GPM6A: variants seen among roughly 807,000 people sequenced by gnomAD.
GPM6A encodes glycoprotein M6A, also known as neuronal membrane glycoprotein M6-a.
Under a neutral mutation model 32.1 loss-of-function variants are expected in GPM6A, and 7 were observed. The ratio of observed to expected loss-of-function variants is 0.22; its 90% CI spans 0.12 to 0.41. GPM6A has a LOEUF of 0.41. Among genes scored for constraint, GPM6A ranks in the 10% least tolerant of loss-of-function variants. GPM6A has a pLI of 1.00. For missense variants in GPM6A, 235 were observed against 347.2 expected (o/e 0.68, Z 2.57); for synonymous variants, 130 against 123.4 (o/e 1.05, Z -0.35).
chr4:175,909,154 A>G (rs150777992), intron 1 of GPM6A, among the ~76,000 whole-genome samples: 113 of 149,800 alleles, frequency 7.5e-4, no homozygotes, highest in Middle Eastern at 3.4e-3. Context: ...TTATCGGGAA[A>G]GATAGGTCAG....
chr4:175,816,344 T>C (rs1331238112), upstream of GPM6A, among the ~76,000 whole-genome samples: 2 of 152,220 alleles, frequency 1.3e-5, no homozygotes, highest in African/African-American at 2.4e-5. Flanking sequence ...TCCAAAACCA[T>C]TATAATTCTC....
At chr4:175,989,886 A>AG (rs1232314839) in intron 1 of GPM6A, among the ~76,000 whole-genome samples, 5 of 152,164 alleles carry the variant, frequency 3.3e-5, no homozygotes, top group Admixed American at 3.3e-4. Flanking sequence ...CATCTATAAG[A>AG]GTCATCCTCT....
At chr4:175,968,729 C>T (rs1024278439) in intron 1 of GPM6A, among the ~76,000 whole-genome samples, 4 of 152,092 alleles carry the variant, frequency 2.6e-5, no homozygotes, top group South Asian at 2.1e-4. Flanking sequence ...GAATAAGATA[C>T]GTTTACACAC....
intron 5 of GPM6A, among the ~76,000 whole-genome samples, chr4:175,640,434 A>T (rs1028183248): frequency 3.9e-5 from 6 of 152,186 alleles, no homozygotes; most frequent in African/African-American, 1.4e-4. Flanking sequence ...ATGATTAATA[A>T]TGATGGTTTT....
At chr4:175,917,260 T>C (rs1262123987) in intron 1 of GPM6A, among the ~76,000 whole-genome samples, 6 of 151,930 alleles carry the variant, frequency 3.9e-5, no homozygotes, top group Non-Finnish European at 5.9e-5. Flanking sequence ...CACAGTTTTG[T>C]TTTGTTTTTT....
chr4:175,796,981 T>C (rs968110903), intron 1 of GPM6A, among the ~76,000 whole-genome samples: 1 of 131,622 alleles, frequency 7.6e-6, no homozygotes, highest in Non-Finnish European at 1.7e-5. Flanking sequence ...TCCTATGCCA[T>C]TCTTTGTTGT....
At chr4:175,780,418 G>A (rs1733573669) in intron 1 of GPM6A, among the ~76,000 whole-genome samples, 1 of 152,190 alleles carries the variant, frequency 6.6e-6, no homozygotes, top group African/African-American at 2.4e-5. Flanking sequence ...AAGTGCATCT[G>A]TACAAGAGCA....
intron 1 of GPM6A, among the ~76,000 whole-genome samples, chr4:175,710,328 A>G (rs1050732309): frequency 6.6e-6 from 1 of 152,150 alleles, no homozygotes; most frequent in Admixed American, 6.5e-5. Context: ...ATTTAACCCT[A>G]TAAAGTTACC....
At chr4:175,652,690 A>C (rs1429403950) in intron 3 of GPM6A, among the ~76,000 whole-genome samples, 1 of 152,082 alleles carries the variant, frequency 6.6e-6, no homozygotes, top group Non-Finnish European at 1.5e-5. Context: ...TGTATCCTAG[A>C]TAGAATTGAA....
intron 4 of GPM6A, among the ~76,000 whole-genome samples, chr4:175,647,852 C>T (rs1193391442): frequency 6.6e-6 from 1 of 152,044 alleles, no homozygotes. Flanking sequence ...CTTATCAGGA[C>T]ATATAATCTG....
chr4:175,763,975 A>G (rs1373872188), intron 1 of GPM6A, among the ~76,000 whole-genome samples: 3 of 152,210 alleles, frequency 2.0e-5, no homozygotes, highest in Non-Finnish European at 4.4e-5. Flanking sequence ...AATAAGTAAC[A>G]AGATCAAATA....
chr4:175,800,369 A>G (rs979683543), intron 1 of GPM6A, among the ~76,000 whole-genome samples: 4 of 152,166 alleles, frequency 2.6e-5, no homozygotes, highest in African/African-American at 7.2e-5. Context: ...ATTTTAGATA[A>G]TATCAATATC....
intron 2 of GPM6A, among the ~76,000 whole-genome samples, chr4:175,695,070 C>T (rs1051331817): frequency 2.0e-5 from 3 of 152,062 alleles, no homozygotes; most frequent in Non-Finnish European, 4.4e-5. Context: ...TGCAGGGGAG[C>T]AGAGGGCAAG....
At chr4:175,684,500 T>G (rs1336092422) in intron 2 of GPM6A, among the ~76,000 whole-genome samples, 2 of 152,214 alleles carry the variant, frequency 1.3e-5, no homozygotes, top group Non-Finnish European at 2.9e-5. Flanking sequence ...TAAAATCTAA[T>G]TTTATCAAAT....
chr4:175,699,809 A>T (rs1008671949), intron 2 of GPM6A, among the ~76,000 whole-genome samples: 2 of 152,290 alleles, frequency 1.3e-5, no homozygotes. Context: ...TACTCTGTCC[A>T]GGGGTATATG....
chr4:175,804,633 T>C (rs1734610101), intron 1 of GPM6A, among the ~76,000 whole-genome samples: 1 of 152,256 alleles, frequency 6.6e-6, no homozygotes, highest in African/African-American at 2.4e-5. Context: ...TATTAAATAT[T>C]AGCTATTATT....
At chr4:175,689,651 C>T (rs191962365) in intron 2 of GPM6A, among the ~76,000 whole-genome samples, 7 of 152,264 alleles carry the variant, frequency 4.6e-5, no homozygotes, top group African/African-American at 1.4e-4. Flanking sequence ...TGGTGTAATT[C>T]AAGTCTCTGT....
intron 1 of GPM6A, among the ~76,000 whole-genome samples, chr4:175,770,312 C>T (rs1441729963): frequency 6.6e-6 from 1 of 152,206 alleles, no homozygotes; most frequent in East Asian, 1.9e-4. Context: ...AGGCGTGAGC[C>T]ACTGCGCCTG....
At chr4:175,840,131 C>T (rs935197846) in intron 1 of GPM6A, among the ~76,000 whole-genome samples, 2 of 152,136 alleles carry the variant, frequency 1.3e-5, no homozygotes, top group African/African-American at 4.8e-5. Context: ...ATGGCTACAA[C>T]TGACCATAGA....
Sources: gnomAD v4.1 joint callset for allele counts (sites outside exome capture counted in the v4.1 genomes callset) on GRCh38, gnomAD v4.1.1 for gene constraint, MANE v1.5 for transcripts, NCBI Gene and HGNC (gene_info 2026-07-23, HGNC 2026-07-21) for gene names.